NDRG1: variants seen among roughly 807,000 people sequenced by gnomAD.
NDRG1 encodes the protein N-myc downstream regulated 1, also known as protein NDRG1.
In NDRG1, 32 loss-of-function variants were observed where a neutral mutation model predicts 56.9. The ratio of observed to expected loss-of-function variants is 0.56; its 90% confidence interval spans 0.42 to 0.76. The LOEUF is 0.76. NDRG1 is among the 30% of genes least tolerant of loss of function. The probability of loss-of-function intolerance (pLI) is 0.00; values close to 1 mark genes in which losing one functional copy is unlikely to be tolerated. For missense variants in NDRG1, 507 were observed against 545.7 expected (o/e 0.93, Z 0.71); for synonymous variants, 211 against 204.1 (o/e 1.03, Z -0.29).
At chr8:133,261,931 T>A (rs1856678197) in intron 5 of NDRG1, 116 bp downstream of exon 5, 1 of 1,374,520 alleles carries the variant, frequency 7.3e-7, no homozygotes, top group Non-Finnish European at 9.8e-7. Flanking sequence ...GTGCTTAAGA[T>A]GATACGTTTT....
chr8:133,247,955 G>A, intron 11 of NDRG1, 29 bp from the exon 12 acceptor site: 1 of 1,611,886 alleles, frequency 6.2e-7, no homozygotes, highest in South Asian at 1.1e-5. Flanking sequence ...CAGAGAATTA[G>A]CACAAGGTTC....
chr8:133,293,530 A>G (rs1293902930), intron 1 of NDRG1, among the ~76,000 whole-genome samples: 1 of 152,224 alleles, frequency 6.6e-6, no homozygotes, highest in Admixed American at 6.5e-5. Context: ...CTTCTACCTC[A>G]GTTAGCTGAT....
At position 133,238,900 on chromosome 8, in the gene NDRG1, T is replaced by C. The variant is rs1855212822; in HGVS notation, c.1163A>G (p.Lys388Arg). Residue 388 changes from lysine to arginine, a missense_variant, in exon 16 of 16, where the codon AAG becomes AGG. Coordinates refer to ENST00000323851, the MANE Select transcript of NDRG1 (RefSeq NM_006096.4). ...SGAAGNSAGP[K>R]SMEVSC ...CGCCTAGCAGGAGACCTCCATGGAC[T>C]TGGGCCCGGCGCTGTTCCCAGCAGC... 1 of 1,556,912 alleles carries C rather than the reference T, an allele frequency of 6.4e-7. No individual in the cohort carries two copies. The highest frequency in any genetic ancestry group is 1.9e-5 in the Admixed American group (1 of 51,376).
At chr8:133,286,420 G>A (rs561153771) in intron 1 of NDRG1, among the ~76,000 whole-genome samples, 6 of 152,230 alleles carry the variant, frequency 3.9e-5, no homozygotes, top group African/African-American at 9.6e-5. Flanking sequence ...CAGCTCTCTC[G>A]TTCTCCAGAA....
intron 2 of NDRG1, among the ~76,000 whole-genome samples, chr8:133,284,021 T>C (rs1343228655): frequency 6.6e-6 from 1 of 152,186 alleles, no homozygotes; most frequent in Non-Finnish European, 1.5e-5. Context: ...TCTCACAACT[T>C]TGCATTTCAA....
chr8:133,264,896 A>AATGCTGGGGC (rs1173044800), intron 3 of NDRG1: 1 of 550,520 alleles, frequency 1.8e-6, no homozygotes, highest in African/African-American at 1.9e-5. Flanking sequence ...AAATGCACCA[A>AATGCTGGGGC]ATGCTGGGGA....
intron 6 of NDRG1, 89 bp downstream of exon 6, chr8:133,259,079 G>T: frequency 1.5e-6 from 2 of 1,366,340 alleles, no homozygotes; most frequent in Non-Finnish European, 2.1e-6. Flanking sequence ...TAATTTTAGT[G>T]GTCAGTCCAG....
At chr8:133,284,203 G>A in intron 2 of NDRG1, 46 bp downstream of exon 2, 9 of 1,575,324 alleles carry the variant, frequency 5.7e-6, no homozygotes, top group Non-Finnish European at 7.9e-6. Context: ...GTGTGTCTAT[G>A]TGCACATGTG....
chr8:133,291,157 C>T (rs1858407956), intron 1 of NDRG1, among the ~76,000 whole-genome samples: 1 of 152,174 alleles, frequency 6.6e-6, no homozygotes, highest in Admixed American at 6.5e-5. Flanking sequence ...TCGATTGTCA[C>T]CAACAGCAAC....
intron 1 of NDRG1, among the ~76,000 whole-genome samples, chr8:133,293,529 CAGTT>C (rs1341401925): frequency 1.3e-5 from 2 of 152,216 alleles, no homozygotes; most frequent in African/African-American, 4.8e-5. Flanking sequence ...TCTTCTACCT[CAGTT>C]AGCTGATGTG....
At chr8:133,242,413 G>A (rs1044717373) in intron 14 of NDRG1, among the ~76,000 whole-genome samples, 13 of 152,214 alleles carry the variant, frequency 8.5e-5, no homozygotes, top group African/African-American at 2.9e-4. Flanking sequence ...TAACTGCATC[G>A]GCATCATGAG....
chr8:133,257,316 C>CAGAG (rs1554750960), intron 7 of NDRG1, among the ~76,000 whole-genome samples: 1,618 of 129,702 alleles, frequency 0.012, 8 homozygotes, highest in South Asian at 0.034. Flanking sequence ...CACACACACA[C>CAGAG]AGAGAGAGAG....
intron 1 of NDRG1, chr8:133,296,410 C>T (rs1858764377): frequency 2.2e-6 from 1 of 450,952 alleles, no homozygotes; most frequent in South Asian, 1.6e-5. Context: ...GGGGGCGCAC[C>T]CTGCCCAGTG....
intron 1 of NDRG1, among the ~76,000 whole-genome samples, chr8:133,292,974 G>C (rs1858508382): frequency 6.6e-6 from 1 of 152,222 alleles, no homozygotes; most frequent in Non-Finnish European, 1.5e-5. Flanking sequence ...TGTTAGGTGG[G>C]AAAGTCAAAG....
intron 9 of NDRG1, 69 bp from the exon 10 acceptor site, chr8:133,250,612 A>G (rs2130699164): frequency 8.1e-7 from 1 of 1,239,970 alleles, no homozygotes; most frequent in Non-Finnish European, 1.2e-6. Flanking sequence ...TACTCTCTCC[A>G]TTCTCCAGGT....
At chr8:133,239,292 G>GA in intron 15 of NDRG1, 173 bp from the exon 16 acceptor site, 1 of 1,057,780 alleles carries the variant, frequency 9.5e-7, no homozygotes, top group Non-Finnish European at 1.4e-6. Flanking sequence ...CGGAGAGAGA[G>GA]ATGGCAAGGC....
chr8:133,248,336 G>A (rs1305011068), intron 11 of NDRG1, among the ~76,000 whole-genome samples: 2 of 152,180 alleles, frequency 1.3e-5, no homozygotes, highest in African/African-American at 4.8e-5. Context: ...AGTTAGTTCT[G>A]TCCATGACTG....
In NDRG1 at chr8:133,256,799, C is replaced by T; in HGVS notation, c.515G>A (p.Trp172Ter). The T allele has an allele frequency of 6.2e-7, 1 of 1,614,200 alleles. No homozygotes were observed. The highest frequency in any genetic ancestry group is 8.5e-7 in the Non-Finnish European group (1 of 1,180,030). Residue 172 changes from tryptophan to a stop codon, truncating the protein, a stop_gained, in exon 8 of 16, where the codon TGG (tryptophan) becomes TAG (stop). Coordinates refer to ENST00000323851, the MANE Select transcript of NDRG1 (RefSeq NM_006096.4). LOFTEE classifies it high-confidence loss of function. The part of the protein sequence containing the change: ...LINVNPCAEG[W>*]MDWAASKISG... ...CACCTTGGAGGCGGCCCAGTCCATC[C>T]AGCCTTCCGCACAAGGGTTCACGTT...
At position 133,238,145 on chromosome 8, in the gene NDRG1, G is replaced by C. The variant is rs953687845; in HGVS notation, c.*733C>G. 5 of 232,980 alleles carry C rather than the reference G, an allele frequency of 2.1e-5. No individual in the cohort carries two copies. The highest frequency in any genetic ancestry group is 4.2e-5 in the Non-Finnish European group (5 of 117,972). 14.4% of individuals were successfully genotyped at this position (232,980 alleles called of 1,614,324 possible). On this transcript the variant is annotated 3_prime_UTR_variant, in exon 16 of 16. Coordinates refer to ENST00000323851, the MANE Select transcript of NDRG1 (RefSeq NM_006096.4). ...GCCTTCAAAAACCATGATGCCCAAC[G>C]TTTGCTGAAATATTTTTGTCTGTAA...
Sources: gnomAD v4.1 joint callset for allele counts (sites outside exome capture counted in the v4.1 genomes callset) on GRCh38, gnomAD v4.1.1 for gene constraint, MANE v1.5 for transcripts, NCBI Gene and HGNC (gene_info 2026-07-23, HGNC 2026-07-21) for gene names.